Variants in COL25A1 observed in about 807,000 individuals in gnomAD.
COL25A1 encodes the protein collagen alpha-1(XXV) chain.
Under a neutral mutation model 128.4 loss-of-function variants are expected in COL25A1, and 103 were observed. The observed-to-expected ratio is 0.80, with a 90% CI of 0.68 to 0.94. The LOEUF is 0.94. Among genes scored for constraint, COL25A1 ranks in the 40% least tolerant of loss-of-function variants. COL25A1 has a pLI of 0.00. For missense variants in COL25A1, 745 were observed against 840.0 expected (o/e 0.89, Z 1.40); for synonymous variants, 279 against 277.2 (o/e 1.01, Z -0.06).
intron 5 of COL25A1, chr4:109,021,671 G>T (rs920207916): frequency 4.2e-5 from 19 of 447,158 alleles, no homozygotes; most frequent in Admixed American, 3.6e-4. Context: ...TTTTCTTCTT[G>T]CAGAGAGCCT....
At chr4:109,029,571 AT>A (rs1347346138) in intron 5 of COL25A1, among the ~76,000 whole-genome samples, 1 of 152,132 alleles carries the variant, frequency 6.6e-6, no homozygotes, top group Non-Finnish European at 1.5e-5. Context: ...ACTGTAGCTA[AT>A]TTATAAGTTA....
intron 3 of COL25A1, among the ~76,000 whole-genome samples, chr4:109,229,324 G>A (rs988728530): frequency 2.0e-5 from 3 of 152,180 alleles, no homozygotes; most frequent in Non-Finnish European, 2.9e-5. Context: ...ATTGCTCCTA[G>A]GGGAAATACA....
intron 5 of COL25A1, among the ~76,000 whole-genome samples, chr4:109,012,095 C>G (rs900760751): frequency 6.6e-6 from 1 of 152,204 alleles, no homozygotes; most frequent in Non-Finnish European, 1.5e-5. Flanking sequence ...TCACCACAGT[C>G]TTGAACTCCC....
At chr4:109,023,367 A>G (rs1311510424) in intron 5 of COL25A1, among the ~76,000 whole-genome samples, 3 of 152,360 alleles carry the variant, frequency 2.0e-5, no homozygotes, top group Non-Finnish European at 4.4e-5. Context: ...GCAATGCATG[A>G]ACGGCATTTG....
intron 3 of COL25A1, among the ~76,000 whole-genome samples, chr4:109,295,109 T>C (rs906072347): frequency 2.0e-5 from 3 of 152,126 alleles, no homozygotes; most frequent in Admixed American, 6.6e-5. Context: ...AGAATTTGTA[T>C]CCTTCTTTTA....
At chr4:109,211,276 ATATATATATGAAAC>A (rs1167363390) in intron 3 of COL25A1, among the ~76,000 whole-genome samples, 30 of 129,388 alleles carry the variant, frequency 2.3e-4, no homozygotes, top group Non-Finnish European at 3.8e-4. Context: ...ATATGAAACT[ATATATATATGAAAC>A]TATATATATA....
chr4:109,260,374 C>G (rs1226767384), intron 3 of COL25A1, among the ~76,000 whole-genome samples: 1 of 152,104 alleles, frequency 6.6e-6, no homozygotes, highest in Admixed American at 6.5e-5. Context: ...GGAACTTAAA[C>G]AGGAAATAAA....
In COL25A1 at chr4:108,974,357, C is replaced by T. The variant is rs780940674; in HGVS notation, c.492+10G>A. 2.4e-5 allele frequency: 39 copies of T among 1,613,682 alleles called. No homozygotes were observed. Among genetic ancestry groups the T allele is most frequent in the Non-Finnish European group, 3.2e-5 (38 of 1,179,810 alleles). Reference sequence around the variant, plus strand: ...AATTTTCCGCCCAAGATAGGTAGAGCACAACTTACCCTAGGTCCCTGATCA... The same window carrying T: ...AATTTTCCGCCCAAGATAGGTAGAGTACAACTTACCCTAGGTCCCTGATCA... On this transcript the variant is annotated intron_variant, in intron 8 of 37. Transcript: ENST00000399132.
chr4:108,903,932 A>T (rs928101096), intron 13 of COL25A1, among the ~76,000 whole-genome samples: 2 of 152,224 alleles, frequency 1.3e-5, no homozygotes, highest in Admixed American at 1.3e-4. Flanking sequence ...TAATTTAAGT[A>T]GGTATTCACA....
intron 3 of COL25A1, among the ~76,000 whole-genome samples, chr4:109,160,952 C>T (rs557001382): frequency 1.3e-5 from 2 of 152,178 alleles, no homozygotes; most frequent in East Asian, 1.9e-4. Flanking sequence ...CTCTGTACAT[C>T]TTATATAATC....
At chr4:109,179,917 G>A (rs1017510492) in intron 3 of COL25A1, among the ~76,000 whole-genome samples, 1 of 152,156 alleles carries the variant, frequency 6.6e-6, no homozygotes, top group Non-Finnish European at 1.5e-5. Flanking sequence ...CTATTATGAA[G>A]AGATTTGCAT....
At chr4:109,178,994 T>C (rs1051592386) in intron 3 of COL25A1, among the ~76,000 whole-genome samples, 5 of 151,524 alleles carry the variant, frequency 3.3e-5, no homozygotes, top group African/African-American at 1.2e-4. Context: ...CTCAAACAAG[T>C]AGGAATATAT....
At chr4:109,162,576 A>G (rs1402767365) in intron 3 of COL25A1, among the ~76,000 whole-genome samples, 3 of 152,162 alleles carry the variant, frequency 2.0e-5, no homozygotes, top group African/African-American at 4.8e-5. Flanking sequence ...AGTTCCATGC[A>G]CTGAGTTTGG....
intron 6 of COL25A1, among the ~76,000 whole-genome samples, chr4:109,003,552 G>A (rs1245244159): frequency 3.3e-5 from 5 of 152,220 alleles, no homozygotes; most frequent in African/African-American, 4.8e-5. Context: ...TGTAATCCCA[G>A]CACTTCAGGA....
chr4:109,196,713 A>G (rs1368883498), intron 3 of COL25A1, among the ~76,000 whole-genome samples: 2 of 152,178 alleles, frequency 1.3e-5, no homozygotes, highest in Admixed American at 6.6e-5. Context: ...TTCATCATAC[A>G]TATGTTACAC....
At chr4:109,182,002 C>T (rs1424774583) in intron 3 of COL25A1, among the ~76,000 whole-genome samples, 3 of 152,074 alleles carry the variant, frequency 2.0e-5, no homozygotes, top group Admixed American at 6.6e-5. Context: ...TTTCCAGGTT[C>T]ATTTATGTTG....
chr4:108,973,920 C>T (rs1752166416), intron 8 of COL25A1, among the ~76,000 whole-genome samples: 1 of 152,072 alleles, frequency 6.6e-6, no homozygotes, highest in Admixed American at 6.6e-5. Flanking sequence ...AAACTTATGG[C>T]AAAGAACAAA....
chr4:109,044,188 T>A (rs953260970), intron 5 of COL25A1, among the ~76,000 whole-genome samples: 1 of 151,982 alleles, frequency 6.6e-6, no homozygotes, highest in African/African-American at 2.4e-5. Flanking sequence ...TCCTAGAGAA[T>A]AAATTGATAC....
In COL25A1 at chr4:108,936,023, C is replaced by T. The variant is rs190556239; in HGVS notation, c.708+1785G>A. Among the ~76,000 whole-genome samples, 319 of 152,158 alleles carry T rather than the reference C, an allele frequency of 2.1e-3. 6 individuals carry two copies. Among genetic ancestry groups the T allele is most frequent in the South Asian group, 0.019 (92 of 4,816 alleles). On this transcript the variant is annotated intron_variant, in intron 11 of 37. Transcript: ENST00000399132. ...ACATAGCTTTCGATATAAGAATATA[C>T]GGGGAAGAATGTGTTTTCACCATTT...
Sources: allele counts gnomAD v4.1 joint callset (sites outside exome capture counted in the v4.1 genomes callset), GRCh38; gene constraint gnomAD v4.1.1; transcripts MANE v1.5; gene names NCBI Gene and HGNC (gene_info 2026-07-23, HGNC 2026-07-21).